KPNA5: variants seen among roughly 807,000 people sequenced by gnomAD.
KPNA5 encodes the protein karyopherin subunit alpha 5, also known as importin subunit alpha-6.
KPNA5 carries 46 observed loss-of-function variants against 71.3 expected under a neutral mutation model. The ratio of observed to expected loss-of-function variants is 0.65; its 90% confidence interval spans 0.51 to 0.83. KPNA5 has a LOEUF of 0.83. Among genes scored for constraint, KPNA5 ranks in the 40% least tolerant of loss-of-function variants. The pLI is 0.00. For missense variants in KPNA5, 547 were observed against 628.3 expected, an observed-to-expected ratio of 0.87 and a Z score of 1.38; for synonymous variants, 207 against 201.4, an observed-to-expected ratio of 1.03 and a Z score of -0.24.
At chr6:116,731,562 A>G (rs1020725707) in intron 13 of KPNA5, among the ~76,000 whole-genome samples, 7 of 152,138 alleles carry the variant, frequency 4.6e-5, no homozygotes. Flanking sequence ...ATTGCTATAG[A>G]TTCTTCTCAT....
intron 4 of KPNA5, among the ~76,000 whole-genome samples, chr6:116,695,761 A>G (rs1363768095): frequency 6.6e-6 from 1 of 152,084 alleles, no homozygotes; most frequent in Non-Finnish European, 1.5e-5. Context: ...TGGTTTTTAT[A>G]ATTGGGATTA....
intron 6 of KPNA5, among the ~76,000 whole-genome samples, chr6:116,703,719 T>C (rs904950112): frequency 6.6e-6 from 1 of 152,136 alleles, no homozygotes; most frequent in East Asian, 1.9e-4. Flanking sequence ...AAAAAAATCT[T>C]AGGTCTAGAG....
chr6:116,716,252 A>G lies in KPNA5; in HGVS notation c.690A>G (p.Thr230=). Residue 230 remains threonine, a synonymous_variant, in exon 8 of 14, where the codon ACA becomes ACG. Transcript: ENST00000368564. The part of the protein sequence containing the change: ...LLTNSNRLTT[T]RNAVWALSNL... ...CAAATTCAAACAGACTCACAACAAC[A>G]AGAAATGCCGTGTGGGCCCTCTCAA... 1 of 1,613,474 alleles carries G rather than the reference A, an allele frequency of 6.2e-7. No individual in the cohort carries two copies.
intron 12 of KPNA5, 128 bp downstream of exon 12, chr6:116,726,750 C>T (rs957218651): frequency 1.2e-6 from 1 of 840,360 alleles, no homozygotes. Context: ...GAAATGACAG[C>T]ATGTATTATA....
chr6:116,687,277 A>G (rs1175242968), intron 1 of KPNA5, among the ~76,000 whole-genome samples: 1 of 152,126 alleles, frequency 6.6e-6, no homozygotes, highest in East Asian at 1.9e-4. Context: ...GAGGTATTTT[A>G]TACTTTTTCT....
At chr6:116,713,962 C>G (rs1778795596) in intron 7 of KPNA5, among the ~76,000 whole-genome samples, 1 of 151,940 alleles carries the variant, frequency 6.6e-6, no homozygotes, top group Non-Finnish European at 1.5e-5. Context: ...TTTTTTTGTG[C>G]ATAGGTCCTT....
At chr6:116,687,166 G>A (rs1777623116) in intron 1 of KPNA5, among the ~76,000 whole-genome samples, 1 of 152,158 alleles carries the variant, frequency 6.6e-6, no homozygotes, top group Admixed American at 6.6e-5. Flanking sequence ...CCACAAGCAT[G>A]GAATGTTTTT....
At chr6:116,691,985 C>T (rs1354167458) in intron 2 of KPNA5, 70 bp from the exon 3 acceptor site, 5 of 974,256 alleles carry the variant, frequency 5.1e-6, no homozygotes, top group Admixed American at 2.1e-5. Flanking sequence ...CAAATGAAAA[C>T]ATGGAATTCT....
intron 4 of KPNA5, among the ~76,000 whole-genome samples, chr6:116,694,667 A>G (rs1326317968): frequency 5.9e-5 from 9 of 152,186 alleles, no homozygotes; most frequent in African/African-American, 2.2e-4. Flanking sequence ...TAGATATACA[A>G]TCAGACATGA....
intron 4 of KPNA5, among the ~76,000 whole-genome samples, chr6:116,693,733 T>G (rs1777903719): frequency 6.6e-6 from 1 of 152,068 alleles, no homozygotes; most frequent in South Asian, 2.1e-4. Context: ...AGAAGCTCTT[T>G]AGTTTAATTA....
intron 7 of KPNA5, among the ~76,000 whole-genome samples, chr6:116,714,776 A>G (rs954032134): frequency 1.3e-5 from 2 of 152,160 alleles, no homozygotes; most frequent in African/African-American, 4.8e-5. Flanking sequence ...CCCTGAGAGA[A>G]TTCCCAGTTA....
intron 5 of KPNA5, among the ~76,000 whole-genome samples, chr6:116,700,709 T>A (rs529439348): frequency 6.6e-6 from 1 of 152,306 alleles, no homozygotes; most frequent in East Asian, 1.9e-4. Context: ...AGATATTACA[T>A]GTTAAAAAAT....
intron 7 of KPNA5, among the ~76,000 whole-genome samples, chr6:116,715,399 TG>T (rs1024399634): frequency 6.6e-5 from 10 of 152,206 alleles, no homozygotes; most frequent in Admixed American, 5.9e-4. Context: ...AGTTATGCTT[TG>T]AAAAAAATAC....
chr6:116,729,025 A>G (rs1003509757), intron 12 of KPNA5, among the ~76,000 whole-genome samples: 5 of 152,106 alleles, frequency 3.3e-5, no homozygotes, highest in African/African-American at 1.2e-4. Flanking sequence ...TTGTTCCTAC[A>G]GGCCTTCTAT....
intron 1 of KPNA5, among the ~76,000 whole-genome samples, chr6:116,683,135 T>C (rs1347845501): frequency 1.3e-5 from 2 of 152,256 alleles, no homozygotes; most frequent in African/African-American, 4.8e-5. Flanking sequence ...TCAGATGTGG[T>C]AAGAAAATAT....
At chr6:116,714,610 C>T (rs1778817271) in intron 7 of KPNA5, among the ~76,000 whole-genome samples, 1 of 152,210 alleles carries the variant, frequency 6.6e-6, no homozygotes. Context: ...TCACATCCCT[C>T]ATAGCCCAAG....
chr6:116,698,268 A>T (rs1404785520), intron 4 of KPNA5, among the ~76,000 whole-genome samples: 1 of 152,042 alleles, frequency 6.6e-6, no homozygotes, highest in African/African-American at 2.4e-5. Context: ...TAATTCACGG[A>T]CAAAAAAGAA....
At chr6:116,723,048 T>C (rs1779171849) in intron 9 of KPNA5, among the ~76,000 whole-genome samples, 1 of 152,094 alleles carries the variant, frequency 6.6e-6, no homozygotes. Flanking sequence ...AACTTGATAA[T>C]GACACCCACT....
Position 116,716,462 on chromosome 6 carries a change from A to G in KPNA5, c.756+144A>G, listed in dbSNP as rs757419367. On this transcript the variant is annotated intron_variant, in intron 8 of 13. Coordinates refer to ENST00000368564, the MANE Select transcript of KPNA5 (RefSeq NM_001366306.2). ...CAATGTTTGCACATATACAGTATTCAAAAGCTTTACAATATAAAGGAAGTG... is the reference window on the plus strand; with the variant it reads ...CAATGTTTGCACATATACAGTATTCGAAAGCTTTACAATATAAAGGAAGTG... 323 of 661,846 alleles carry G rather than the reference A, an allele frequency of 4.9e-4. 2 individuals carry two copies. Among genetic ancestry groups the G allele is most frequent in the Middle Eastern group, 1.6e-3 (4 of 2,448 alleles). 41.0% of individuals were successfully genotyped at this position (661,846 alleles called of 1,614,324 possible).
Sources: allele counts gnomAD v4.1 joint callset (sites outside exome capture counted in the v4.1 genomes callset), GRCh38; gene constraint gnomAD v4.1.1; transcripts MANE v1.5; gene names NCBI Gene and HGNC (gene_info 2026-07-23, HGNC 2026-07-21).